Variants in DLGAP4 observed in about 807,000 individuals in gnomAD.
DLGAP4 encodes disks large-associated protein 4.
DLGAP4 carries 18 observed loss-of-function variants against 86.9 expected under a neutral mutation model. The observed-to-expected ratio is 0.21, with a 90% CI of 0.14 to 0.31. The LOEUF (loss-of-function observed/expected upper bound fraction) is 0.31. DLGAP4 is among the 10% of genes least tolerant of loss of function. The pLI is 1.00. For synonymous variants in DLGAP4, 548 were observed against 574.3 expected (o/e 0.95, Z 0.65); for missense variants, 1,085 against 1,362.6 (o/e 0.80, Z 3.21).
intron 1 of DLGAP4, among the ~76,000 whole-genome samples, chr20:36,309,345 T>A (rs2065033093): frequency 6.6e-6 from 1 of 152,206 alleles, no homozygotes; most frequent in Non-Finnish European, 1.5e-5. Flanking sequence ...GCCATTCCTC[T>A]GGTGCTGAGA....
chr20:36,358,718 G>C (rs2030417395), intron 1 of DLGAP4, among the ~76,000 whole-genome samples: 1 of 152,188 alleles, frequency 6.6e-6, no homozygotes, highest in Non-Finnish European at 1.5e-5. Context: ...TGAGGCAGGA[G>C]AATGGCGTGA....
At chr20:36,504,962 TC>T (rs763893841) in intron 10 of DLGAP4, among the ~76,000 whole-genome samples, 2 of 152,152 alleles carry the variant, frequency 1.3e-5, no homozygotes, top group Non-Finnish European at 2.9e-5. Context: ...TTCACTTTCT[TC>T]CTGGTGACTT....
intron 2 of DLGAP4, among the ~76,000 whole-genome samples, chr20:36,425,753 G>C (rs1328288941): frequency 3.3e-5 from 5 of 152,070 alleles, no homozygotes; most frequent in African/African-American, 1.2e-4. Context: ...CCCAGGAGGC[G>C]GAGGTTGCAG....
At chr20:36,445,464 A>G (rs535428631) in intron 6 of DLGAP4, among the ~76,000 whole-genome samples, 20 of 152,328 alleles carry the variant, frequency 1.3e-4, no homozygotes, top group African/African-American at 4.8e-4. Flanking sequence ...AGATCGCGCC[A>G]CTGCACTTCA....
chr20:36,323,175 CAAAAAAAAAAAAAA>C (rs1164348704), intron 1 of DLGAP4, among the ~76,000 whole-genome samples: 9 of 35,376 alleles, frequency 2.5e-4, no homozygotes, highest in South Asian at 1.3e-3. Context: ...GACCCTATCT[CAAAAAAAAAAAAAA>C]AAAAAAAAAA....
At chr20:36,526,643 C>G (rs1270435763) in intron 12 of DLGAP4, among the ~76,000 whole-genome samples, 170 bp from the exon 13 acceptor site, 1 of 152,154 alleles carries the variant, frequency 6.6e-6, no homozygotes, top group Non-Finnish European at 1.5e-5. Flanking sequence ...GCTCTTCCCA[C>G]TGTCAGTCAT....
chr20:36,440,190 G>A (rs1455529399), intron 5 of DLGAP4, among the ~76,000 whole-genome samples: 1 of 152,182 alleles, frequency 6.6e-6, no homozygotes. Flanking sequence ...TCGAGTCCCA[G>A]TTTTGTCACT....
chr20:36,436,563 T>TC (rs1184178160), intron 4 of DLGAP4, among the ~76,000 whole-genome samples: 1 of 152,124 alleles, frequency 6.6e-6, no homozygotes, highest in Non-Finnish European at 1.5e-5. Context: ...ACGCCTGTAA[T>TC]CCCAGCACTT....
At chr20:36,325,982 T>A (rs902851634) in intron 1 of DLGAP4, among the ~76,000 whole-genome samples, 5 of 152,168 alleles carry the variant, frequency 3.3e-5, no homozygotes, top group Admixed American at 2.6e-4. Context: ...CCTCCCAAAG[T>A]GCTGGGATTA....
Position 36,310,109 on chromosome 20 carries a change from G to A in DLGAP4, c.-304+3597G>A, listed in dbSNP as rs1416303003. The stretch of plus-strand genomic sequence containing the variant: ...AGCACTTTGGGAGGCCAAGGTGGGA[G>A]GATTCCTTGAGTCCAGGAGTTTGAG... On this transcript the variant is annotated intron_variant, in intron 1 of 12. Transcript: ENST00000339266. 5.3e-5 allele frequency among the ~76,000 whole-genome samples: 8 copies of A among 151,756 alleles called. No individual in the cohort carries two copies. The South Asian group carries it at 1.7e-3, about 32-fold the overall frequency.
intron 7 of DLGAP4, among the ~76,000 whole-genome samples, chr20:36,449,298 G>A (rs2033675280): frequency 6.6e-6 from 1 of 152,196 alleles, no homozygotes; most frequent in Non-Finnish European, 1.5e-5. Flanking sequence ...CAGGCATCTT[G>A]GGTAGAATCC....
chr20:36,388,321 G>T (rs1300466903), intron 2 of DLGAP4, among the ~76,000 whole-genome samples: 1 of 152,124 alleles, frequency 6.6e-6, no homozygotes, highest in Non-Finnish European at 1.5e-5. Flanking sequence ...CCACTCCTTT[G>T]TGTGTGTCTG....
At chr20:36,407,704 G>A (rs1221618709) in intron 2 of DLGAP4, among the ~76,000 whole-genome samples, 3 of 152,112 alleles carry the variant, frequency 2.0e-5, no homozygotes, top group Admixed American at 6.5e-5. Context: ...GGAGGAGATG[G>A]TGTGTGTGCT....
chr20:36,407,255 C>T (rs752580641), intron 2 of DLGAP4, among the ~76,000 whole-genome samples: 2 of 152,026 alleles, frequency 1.3e-5, no homozygotes, highest in Non-Finnish European at 2.9e-5. Context: ...ATGGGGGAAC[C>T]GCTTGAGGCT....
chr20:36,484,205 C>T (rs759016610), intron 7 of DLGAP4, among the ~76,000 whole-genome samples: 6 of 152,018 alleles, frequency 3.9e-5, no homozygotes, highest in Admixed American at 6.6e-5. Context: ...GTTGGTGAGC[C>T]GATATAGTTA....
At position 36,436,951 on chromosome 20, in the gene DLGAP4, C is replaced by T. The variant is rs758720317; in HGVS notation, c.1241+601C>T. 1.9e-4 allele frequency among the ~76,000 whole-genome samples: 29 copies of T among 152,276 alleles called. No individual in the cohort carries two copies. The East Asian group carries it at 2.1e-3, about 11-fold the overall frequency. ...AGGGGAAAACCTCTTTCAGTAAGTA[C>T]AAGTCCCGCTCACCCGCAAGCCTCG... On this transcript the variant is annotated intron_variant, in intron 4 of 12. Transcript: ENST00000339266.
intron 5 of DLGAP4, among the ~76,000 whole-genome samples, chr20:36,440,801 G>A (rs1433326989): frequency 1.3e-5 from 2 of 151,934 alleles, no homozygotes; most frequent in Non-Finnish European, 2.9e-5. Context: ...GACACCTACT[G>A]GTAGTAGCAG....
intron 1 of DLGAP4, among the ~76,000 whole-genome samples, chr20:36,321,428 A>G (rs1600396409): frequency 1.3e-5 from 2 of 152,252 alleles, no homozygotes; most frequent in Admixed American, 1.3e-4. Flanking sequence ...GGCAGTGGCC[A>G]GGTCTGATGT....
intron 10 of DLGAP4, among the ~76,000 whole-genome samples, chr20:36,506,384 TATG>T (rs1302908363): frequency 3.9e-5 from 6 of 152,252 alleles, no homozygotes; most frequent in African/African-American, 1.2e-4. Context: ...AGAGGTCTTT[TATG>T]ATGTTTCTGG....
Sources: allele counts gnomAD v4.1 joint callset (sites outside exome capture counted in the v4.1 genomes callset), GRCh38; gene constraint gnomAD v4.1.1; transcripts MANE v1.5; gene names NCBI Gene and HGNC (gene_info 2026-07-23, HGNC 2026-07-21).